Variants in LRP12 observed in about 807,000 individuals in gnomAD.
The protein encoded by LRP12 is low-density lipoprotein receptor-related protein 12.
In LRP12, 14 loss-of-function variants were observed where a neutral mutation model predicts 66.0. The observed-to-expected ratio is 0.21, with a 90% CI of 0.14 to 0.33. The LOEUF (loss-of-function observed/expected upper bound fraction) is 0.33. Among genes scored for constraint, LRP12 ranks in the 10% least tolerant of loss-of-function variants. The pLI is 1.00. For synonymous variants in LRP12, 357 were observed against 359.1 expected, an observed-to-expected ratio of 0.99 and a Z score of 0.07; for missense variants, 889 against 1,053.4, an observed-to-expected ratio of 0.84 and a Z score of 2.16.
Position 104,545,741 on chromosome 8 carries a change from C to A in LRP12, c.80-13778G>T, listed in dbSNP as rs1477363048. Among the ~76,000 whole-genome samples the A allele has an allele frequency of 2.6e-5, 4 of 152,230 alleles. No homozygotes were observed. In the East Asian group the frequency reaches 7.7e-4, roughly 29 times the overall value. ...AGTATAAACATAACTTTTATATGCA[C>A]TGGAAAACCAAAAAATACACGTGAC... On this transcript the variant is annotated intron_variant, in intron 1 of 6. Transcript: ENST00000276654.
chr8:104,533,609 C>A (rs1043362711), intron 1 of LRP12, among the ~76,000 whole-genome samples: 1 of 152,080 alleles, frequency 6.6e-6, no homozygotes, highest in African/African-American at 2.4e-5. Flanking sequence ...ATCACAGTTA[C>A]ATAATTTGTG....
In LRP12 at chr8:104,490,932, T is replaced by G; in HGVS notation, c.2321A>C (p.Glu774Ala). 6.2e-7 allele frequency: 1 copy of G among 1,614,072 alleles called. No individual in the cohort carries two copies. Among genetic ancestry groups the G allele is most frequent in the Non-Finnish European group, 8.5e-7 (1 of 1,180,022 alleles). The part of the protein sequence containing the change: ...VSGREDDDDV[E>A]MLIPISDGSS... ...TCCATCAGAAATTGGAATTAGCATT[T>G]CAACATCATCATCATCTTCTCTTCC... Residue 774 changes from glutamate to alanine, a missense_variant, in exon 7 of 7, where the codon GAA (glutamate) becomes GCA (alanine). Glu to Ala is a moderately radical substitution (Grantham distance 107). Transcript: ENST00000276654.
At chr8:104,509,903 T>C (rs1379925109) in intron 2 of LRP12, among the ~76,000 whole-genome samples, 1 of 152,190 alleles carries the variant, frequency 6.6e-6, no homozygotes. Context: ...TTTGGTACTC[T>C]GCAGTTTCAG....
intron 2 of LRP12, among the ~76,000 whole-genome samples, chr8:104,514,632 G>A (rs983787324): frequency 6.6e-6 from 1 of 151,242 alleles, no homozygotes. Context: ...AGCTGAGATC[G>A]TGCCACTGAC....
intron 1 of LRP12, among the ~76,000 whole-genome samples, chr8:104,582,137 T>C (rs887979466): frequency 1.3e-5 from 2 of 152,296 alleles, no homozygotes; most frequent in South Asian, 2.1e-4. Flanking sequence ...TATTAAAAGA[T>C]TGGCATCATT....
At chr8:104,515,112 C>T (rs1811057402) in intron 2 of LRP12, among the ~76,000 whole-genome samples, 1 of 152,186 alleles carries the variant, frequency 6.6e-6, no homozygotes, top group Non-Finnish European at 1.5e-5. Flanking sequence ...CAAAACTTCA[C>T]TTTAGGAAAT....
At chr8:104,513,988 T>A (rs1324165463) in intron 2 of LRP12, among the ~76,000 whole-genome samples, 1 of 152,164 alleles carries the variant, frequency 6.6e-6, no homozygotes, top group South Asian at 2.1e-4. Flanking sequence ...TGAATCTACA[T>A]CATCTCAGGC....
chr8:104,564,731 G>A (rs1267805933), intron 1 of LRP12, among the ~76,000 whole-genome samples: 2 of 152,018 alleles, frequency 1.3e-5, no homozygotes, highest in Admixed American at 1.3e-4. Context: ...AGGAGTTTGA[G>A]GCCAGCCTTG....
At chr8:104,510,205 G>A (rs1457292746) in intron 2 of LRP12, among the ~76,000 whole-genome samples, 1 of 152,192 alleles carries the variant, frequency 6.6e-6, no homozygotes, top group Non-Finnish European at 1.5e-5. Context: ...ACAGTAAGAT[G>A]CTGGATTGTA....
At chr8:104,538,087 C>T (rs982045957) in intron 1 of LRP12, among the ~76,000 whole-genome samples, 1 of 152,186 alleles carries the variant, frequency 6.6e-6, no homozygotes, top group Non-Finnish European at 1.5e-5. Flanking sequence ...ACATGCCCAA[C>T]CTTGTCAAGG....
rs548418648 is a variant in LRP12, at chr8:104,506,214, T to A, written c.272+2725A>T. Reference sequence around the variant, plus strand: ...CCTTTGTAATGCTATGTATTTTTTTTAATGAATTTAAACACATTATTCTGG... The same window carrying A: ...CCTTTGTAATGCTATGTATTTTTTTAAATGAATTTAAACACATTATTCTGG... On this transcript the variant is annotated intron_variant, in intron 3 of 6. Transcript: ENST00000276654. 9.8e-5 allele frequency: 15 copies of A among 152,316 alleles called. No homozygotes were observed. In the South Asian group the frequency reaches 1.7e-3, roughly 17 times the overall value. The allele number at this position is 152,316 out of a possible 1,614,324, so 9.4% of individuals were successfully genotyped here. A position where few individuals can be genotyped will look rare whatever the true frequency, so the allele number is the denominator to read the frequency against.
intron 1 of LRP12, among the ~76,000 whole-genome samples, chr8:104,535,004 C>T (rs1286283492): frequency 6.6e-6 from 1 of 150,442 alleles, no homozygotes; most frequent in African/African-American, 2.4e-5. Flanking sequence ...TCAGACGTCA[C>T]CCTTTAGAGG....
At position 104,560,084 on chromosome 8, in the gene LRP12, C is replaced by T. The variant is rs558057494; in HGVS notation, c.80-28121G>A. On this transcript the variant is annotated intron_variant, in intron 1 of 6. Coordinates refer to ENST00000276654, the MANE Select transcript of LRP12 (RefSeq NM_013437.5). ...CTGTCTTATTATAAAGATCATGCAT[C>T]AATTCCCTCACTATACCTTCCAAAA... Among the ~76,000 whole-genome samples, 5 of 152,262 alleles carry T rather than the reference C, an allele frequency of 3.3e-5. No individual in the cohort carries two copies. In the East Asian group the frequency reaches 9.6e-4, roughly 29 times the overall value.
chr8:104,528,207 G>A (rs916958397), intron 2 of LRP12, among the ~76,000 whole-genome samples: 2 of 152,176 alleles, frequency 1.3e-5, no homozygotes, highest in African/African-American at 4.8e-5. Flanking sequence ...CAATCCAGCA[G>A]GGCACTGAGC....
chr8:104,561,615 A>C (rs145073516), intron 1 of LRP12, among the ~76,000 whole-genome samples: 2 of 152,296 alleles, frequency 1.3e-5, no homozygotes, highest in Admixed American at 1.3e-4. Context: ...GTATCCAGTA[A>C]TTCACTGTTG....
intron 2 of LRP12, among the ~76,000 whole-genome samples, chr8:104,524,771 G>T (rs1442646120): frequency 6.6e-6 from 1 of 152,110 alleles, no homozygotes; most frequent in African/African-American, 2.4e-5. Flanking sequence ...AATGTTTAAT[G>T]AAACTTGTGT....
chr8:104,549,552 G>A (rs995163650), intron 1 of LRP12, among the ~76,000 whole-genome samples: 4 of 151,822 alleles, frequency 2.6e-5, no homozygotes, highest in African/African-American at 9.7e-5. Context: ...ACAGGCGCCT[G>A]CCACCGCACC....
rs762928933 is a variant in LRP12, at chr8:104,509,093, A to C, written c.137-19T>G. The C allele has an allele frequency of 1.2e-6, 2 of 1,608,666 alleles. No individual in the cohort carries two copies. Among genetic ancestry groups the C allele is most frequent in the Non-Finnish European group, 1.7e-6 (2 of 1,177,264 alleles). ...CCACAAGCTGGAAGATAGCCAAAGC[A>C]ATCTTTCCTTATTATTACACATTTA... On this transcript the variant is annotated intron_variant, in intron 2 of 6. Transcript: ENST00000276654.
intron 1 of LRP12, among the ~76,000 whole-genome samples, chr8:104,563,040 T>C (rs949926775): frequency 5.3e-5 from 8 of 152,180 alleles, no homozygotes; most frequent in African/African-American, 1.9e-4. Flanking sequence ...AGTACAACTA[T>C]AAAAGAACAA....
Sources: gnomAD v4.1 joint callset for allele counts (sites outside exome capture counted in the v4.1 genomes callset) on GRCh38, gnomAD v4.1.1 for gene constraint, MANE v1.5 for transcripts, NCBI Gene and HGNC (gene_info 2026-07-23, HGNC 2026-07-21) for gene names.